Variants in TBC1D25 observed in about 807,000 individuals in gnomAD.
TBC1D25 encodes TBC1 domain family member 25.
Under a neutral mutation model 38.8 loss-of-function variants are expected in TBC1D25, and 13 were observed. That is an observed-to-expected ratio of 0.34 (90% CI 0.22 to 0.53). TBC1D25 has a LOEUF of 0.53. Ranked by LOEUF, TBC1D25 falls within the 20% of genes least tolerant of loss-of-function variation. The pLI is 0.94. For missense variants in TBC1D25, 372 were observed against 600.0 expected, an observed-to-expected ratio of 0.62 and a Z score of 3.97; for synonymous variants, 225 against 255.6, an observed-to-expected ratio of 0.88 and a Z score of 1.14.
At chrX:48,553,038 C>T (rs2061947636) in intron 3 of TBC1D25, among the ~76,000 whole-genome samples, 1 of 110,048 alleles carries the variant, frequency 9.1e-6, no homozygotes, top group African/African-American at 3.3e-5. Flanking sequence ...GATTTGCCTG[C>T]CTCGGCTTCC....
In TBC1D25 at chrX:48,560,576, C is replaced by A; in HGVS notation, c.1668C>A (p.His556Gln). Residue 556 changes from histidine (H) to glutamine (Q), a missense_variant, in exon 6 of 6, where the codon CAC becomes CAA. Coordinates refer to ENST00000376771, the MANE Select transcript of TBC1D25 (RefSeq NM_002536.4). ...SPDPLLSSFS[H>Q]PDSPSSSSPP... ...ACCCACTGCTCTCCTCCTTTTCCCA[C>A]CCTGATTCCCCATCTTCCTCATCTC... is the stretch of plus-strand genomic sequence containing the variant. 8.3e-7 allele frequency: 1 copy of A among 1,207,277 alleles called. No homozygotes were observed. The highest frequency in any genetic ancestry group is 1.1e-6 in the Non-Finnish European group (1 of 893,115).
intron 3 of TBC1D25, among the ~76,000 whole-genome samples, chrX:48,546,088 C>T (rs2061881232): frequency 1.8e-5 from 2 of 109,718 alleles, no homozygotes; most frequent in African/African-American, 3.3e-5. Flanking sequence ...TGGCACATGC[C>T]TATAATCCCA....
At chrX:48,543,556 G>T (rs924953601) in intron 2 of TBC1D25, among the ~76,000 whole-genome samples, 16 of 105,468 alleles carry the variant, frequency 1.5e-4, no homozygotes. Flanking sequence ...CTATTAATGG[G>T]TGTTTCCAAA....
chrX:48,545,047 G>T (rs782553924), intron 3 of TBC1D25, 24 bp downstream of exon 3: 1 of 1,205,402 alleles, frequency 8.3e-7, no homozygotes, highest in East Asian at 3.0e-5. Flanking sequence ...GCCCCCAGGA[G>T]CACTGCTCTG....
chrX:48,542,912 A>G (rs1205137542), intron 2 of TBC1D25, among the ~76,000 whole-genome samples: 5 of 111,530 alleles, frequency 4.5e-5, no homozygotes, highest in Non-Finnish European at 7.5e-5. Context: ...TGCATTGTCA[A>G]CTTACAGTAT....
chrX:48,553,208 T>C (rs1364416786), intron 3 of TBC1D25, among the ~76,000 whole-genome samples: 1 of 107,834 alleles, frequency 9.3e-6, no homozygotes, highest in East Asian at 2.8e-4. Flanking sequence ...AATCATGTTA[T>C]CGTTGTCATT....
At chrX:48,540,267 C>G (rs915225372) in intron 1 of TBC1D25, among the ~76,000 whole-genome samples, 2 of 111,567 alleles carry the variant, frequency 1.8e-5, no homozygotes, top group South Asian at 7.4e-4. Context: ...TGGAGTCAGT[C>G]AACCCATGTG....
rs138767986 is a variant in TBC1D25, at chrX:48,559,238, G to C, written c.597G>C (p.Leu199=). The C allele has an allele frequency of 2.2e-4, 266 of 1,209,268 alleles. No individual in the cohort carries two copies. The African/African-American group carries it at 3.7e-3, about 17-fold the overall frequency. Residue 199 remains leucine, a synonymous_variant, in exon 5 of 6, where the codon CTG becomes CTC. Transcript: ENST00000376771. ...ATGTCAAGCCCTTCAAGCCACCCCT[G>C]AGCGATGCTGAGTTTCACACGTACC... is the stretch of plus-strand genomic sequence containing the variant. ...GEDVKPFKPP[L]SDAEFHTYLN...
At chrX:48,558,175 C>A (rs2147192855) in intron 3 of TBC1D25, among the ~76,000 whole-genome samples, 1 of 108,632 alleles carries the variant, frequency 9.2e-6, no homozygotes, top group South Asian at 3.9e-4. Flanking sequence ...TATTTTATTT[C>A]TAAAGTATGT....
intron 2 of TBC1D25, among the ~76,000 whole-genome samples, chrX:48,543,863 G>A (rs1308591438): frequency 1.6e-4 from 14 of 89,416 alleles, no homozygotes; most frequent in Non-Finnish European, 2.3e-4. Context: ...CAGACTGGGC[G>A]ACAGAGTGAG....
Position 48,562,062 on chromosome X carries a change from A to G in TBC1D25, c.*1087A>G, listed in dbSNP as rs1556986691. 2 of 112,466 alleles carry G rather than the reference A, an allele frequency of 1.8e-5. No individual in the cohort carries two copies. Among genetic ancestry groups the G allele is most frequent in the African/African-American group, 6.5e-5 (2 of 30,977 alleles). The allele number at this position is 112,466 out of a possible 1,213,427, so 9.3% of individuals were successfully genotyped here. A position where few individuals can be genotyped will look rare whatever the true frequency, so the allele number is the denominator to read the frequency against. On this transcript the variant is annotated 3_prime_UTR_variant, in exon 6 of 6. Coordinates refer to ENST00000376771, the MANE Select transcript of TBC1D25 (RefSeq NM_002536.4). ...GGTCCTTTTTCCCACTGACATGCTC[A>G]GAGGGTGGGATTCTCTCACAGGCCA...
intron 3 of TBC1D25, among the ~76,000 whole-genome samples, chrX:48,550,244 C>T (rs1474598816): frequency 9.0e-6 from 1 of 111,462 alleles, no homozygotes; most frequent in East Asian, 2.8e-4. Context: ...ACTTCAGCCT[C>T]CCAAAGTGCT....
At chrX:48,558,353 T>C (rs2147193128) in intron 3 of TBC1D25, among the ~76,000 whole-genome samples, 1 of 111,461 alleles carries the variant, frequency 9.0e-6, no homozygotes, top group South Asian at 3.7e-4. Flanking sequence ...GGCAAAAATA[T>C]GAGAGTAGGA....
At chrX:48,541,953 C>T (rs1186414834) in intron 2 of TBC1D25, among the ~76,000 whole-genome samples, 2 of 110,141 alleles carry the variant, frequency 1.8e-5, no homozygotes, top group Non-Finnish European at 3.8e-5. Context: ...GTTCTGAGCA[C>T]GTTTAAGGTA....
rs1437406474 is a variant in TBC1D25, at chrX:48,559,013, A to C, written c.505A>C (p.Ile169Leu). The part of the protein sequence containing the change: ...TTAALPFTQS[I>L]LTQVGRTLSK... Reference sequence around the variant, plus strand: ...TGCCGCCCTGCCCTTTACACAGTCCATCCTCACTCAGGTGTTTTCAGGGAC... The same window carrying C: ...TGCCGCCCTGCCCTTTACACAGTCCCTCCTCACTCAGGTGTTTTCAGGGAC... Residue 169 changes from isoleucine to leucine, a missense_variant, in exon 4 of 6, where the codon ATC becomes CTC. Around this residue, in one of 2 missense-constraint regions of TBC1D25, gnomAD observed 312 missense variants for 549.3 expected, o/e 0.57. Transcript: ENST00000376771. 1 of 1,211,336 alleles carries C rather than the reference A, an allele frequency of 8.3e-7. No individual in the cohort carries two copies. Among genetic ancestry groups the C allele is most frequent in the East Asian group, 3.0e-5 (1 of 33,839 alleles).
chrX:48,550,804 C>T, intron 3 of TBC1D25, among the ~76,000 whole-genome samples: 1 of 110,796 alleles, frequency 9.0e-6, no homozygotes, highest in Non-Finnish European at 1.9e-5. Flanking sequence ...GGACCACAGG[C>T]GCTCGCCACC....
chrX:48,554,721 C>T (rs190583020), intron 3 of TBC1D25, among the ~76,000 whole-genome samples: 1 of 111,072 alleles, frequency 9.0e-6, no homozygotes, highest in East Asian at 2.8e-4. Context: ...TTTTCTCCCC[C>T]TGCATTTCCT....
Position 48,559,736 on chromosome X carries a change from G to C in TBC1D25, c.828G>C (p.Ala276=). Residue 276 remains alanine, a synonymous_variant, in exon 6 of 6, where the codon GCG becomes GCC. Transcript: ENST00000376771. ...EQLKSEWAQR[A]NPEDLEFIRS... ...TCAAGAGCGAGTGGGCCCAGCGAGC[G>C]AACCCTGAGGACCTGGAATTCATCC... 1 of 1,211,729 alleles carries C rather than the reference G, an allele frequency of 8.3e-7. No individual in the cohort carries two copies. Among genetic ancestry groups the C allele is most frequent in the Non-Finnish European group, 1.1e-6 (1 of 895,452 alleles).
intron 3 of TBC1D25, among the ~76,000 whole-genome samples, chrX:48,555,484 GGCT>G (rs2061968029): frequency 8.9e-6 from 1 of 112,556 alleles, no homozygotes; most frequent in Middle Eastern, 4.2e-3. Context: ...CGGATGCAGT[GGCT>G]CACGCCTGTA....
Sources: allele counts gnomAD v4.1 joint callset (sites outside exome capture counted in the v4.1 genomes callset), GRCh38; gene constraint gnomAD v4.1.1; regional missense constraint gnomAD v4.1.1; transcripts MANE v1.5; gene names NCBI Gene and HGNC (gene_info 2026-07-23, HGNC 2026-07-21).